The following FHIT variants were observed in gnomAD, a reference collection of about 807,000 sequenced individuals.
The protein encoded by FHIT is bis(5'-adenosyl)-triphosphatase.
In FHIT, 19 loss-of-function variants were observed where a neutral mutation model predicts 17.9. The ratio of observed to expected loss-of-function variants is 1.06; its 90% confidence interval spans 0.74 to 1.56. The LOEUF (loss-of-function observed/expected upper bound fraction) is 1.56. Ranked by LOEUF, FHIT falls within the 40% of genes most tolerant of loss-of-function variation. The pLI is 0.00. For synonymous variants in FHIT, 81 were observed against 69.7 expected (o/e 1.16, Z -0.81); for missense variants, 248 against 189.2 (o/e 1.31, Z -1.82).
intron 5 of FHIT, among the ~76,000 whole-genome samples, chr3:60,030,041 A>G (rs1310956606): frequency 6.6e-6 from 1 of 151,808 alleles, no homozygotes; most frequent in Non-Finnish European, 1.5e-5. Context: ...TCCTAGCTCT[A>G]TTTGTCAGGG....
intron 4 of FHIT, among the ~76,000 whole-genome samples, chr3:60,649,624 C>A (rs1389095520): frequency 6.6e-6 from 1 of 151,990 alleles, no homozygotes; most frequent in Non-Finnish European, 1.5e-5. Context: ...CTGGATGTGT[C>A]AATTGTGTGA....
chr3:61,027,095 T>C (rs748834866), intron 3 of FHIT, among the ~76,000 whole-genome samples: 1 of 152,148 alleles, frequency 6.6e-6, no homozygotes, highest in Non-Finnish European at 1.5e-5. Flanking sequence ...TATACTTTTT[T>C]CTTTTTTTTG....
At chr3:59,875,643 G>T (rs1703118786) in intron 8 of FHIT, among the ~76,000 whole-genome samples, 1 of 151,982 alleles carries the variant, frequency 6.6e-6, no homozygotes. Flanking sequence ...AAATTTTATA[G>T]TTTTTAGCAA....
chr3:61,175,919 ACTAAT>A (rs1177200891), intron 2 of FHIT, among the ~76,000 whole-genome samples: 1 of 152,244 alleles, frequency 6.6e-6, no homozygotes, highest in African/African-American at 2.4e-5. Context: ...ACAATGGATA[ACTAAT>A]CTAAGTTCCA....
chr3:60,727,332 A>G (rs946590852), intron 4 of FHIT, among the ~76,000 whole-genome samples: 9 of 152,212 alleles, frequency 5.9e-5, no homozygotes, highest in African/African-American at 1.9e-4. Context: ...CGCTCCAGAG[A>G]ATTCAGTGTA....
intron 2 of FHIT, among the ~76,000 whole-genome samples, chr3:61,100,453 T>C (rs2035783205): frequency 6.6e-6 from 1 of 152,200 alleles, no homozygotes; most frequent in African/African-American, 2.4e-5. Flanking sequence ...CCTTATCCAG[T>C]CTATCATTGA....
At chr3:61,143,936 T>G (rs1305851756) in intron 2 of FHIT, among the ~76,000 whole-genome samples, 2 of 152,222 alleles carry the variant, frequency 1.3e-5, no homozygotes, top group South Asian at 2.1e-4. Flanking sequence ...TGCATTCTTT[T>G]GTCTCTAGTA....
intron 2 of FHIT, among the ~76,000 whole-genome samples, chr3:61,130,139 A>G (rs2106952353): frequency 6.6e-6 from 1 of 152,332 alleles, no homozygotes; most frequent in South Asian, 2.1e-4. Flanking sequence ...CAATAAAAGT[A>G]CTAAAATATA....
In FHIT at chr3:60,537,389, T is replaced by G. The variant is rs1159257432; in HGVS notation, c.-17-410A>C. On this transcript the variant is annotated intron_variant, in intron 4 of 9. Coordinates refer to ENST00000492590, the MANE Select transcript of FHIT (RefSeq NM_002012.4). ...TATTAACTATAAACCTTCTAATTCT[T>G]AAATGCTTCTCTCAAATGGTTTTGT... 4.0e-6 allele frequency: 3 copies of G among 756,306 alleles called. No homozygotes were observed. In the Admixed American group the frequency reaches 1.9e-4, roughly 47 times the overall value. The allele number at this position is 756,306 out of a possible 1,614,324, so 46.8% of individuals were successfully genotyped here. A position where few individuals can be genotyped will look rare whatever the true frequency, so the allele number is the denominator to read the frequency against.
At chr3:61,185,703 T>C (rs2038487042) in intron 2 of FHIT, among the ~76,000 whole-genome samples, 1 of 152,166 alleles carries the variant, frequency 6.6e-6, no homozygotes, top group African/African-American at 2.4e-5. Flanking sequence ...AAAAGCAGTA[T>C]GTGCCATTTT....
intron 4 of FHIT, among the ~76,000 whole-genome samples, chr3:60,567,135 A>G (rs1010018157): frequency 1.3e-5 from 2 of 152,052 alleles, no homozygotes; most frequent in African/African-American, 4.8e-5. Context: ...GAACCAAAAA[A>G]GAGCCCACAC....
chr3:60,121,709 A>ACAAAAACAC (rs1705260217), intron 5 of FHIT, among the ~76,000 whole-genome samples: 1 of 116,336 alleles, frequency 8.6e-6, no homozygotes, highest in Admixed American at 8.5e-5. Context: ...AAACAAAACA[A>ACAAAAACAC]ACACACACAC....
intron 3 of FHIT, among the ~76,000 whole-genome samples, chr3:61,041,162 C>T (rs1013870387): frequency 3.9e-5 from 6 of 152,068 alleles, no homozygotes; most frequent in Non-Finnish European, 8.8e-5. Context: ...AGGCAGATCA[C>T]GAGGTCAAGA....
chr3:60,000,189 T>C (rs1387883718), intron 7 of FHIT, among the ~76,000 whole-genome samples: 3 of 152,090 alleles, frequency 2.0e-5, no homozygotes, highest in African/African-American at 4.8e-5. Context: ...CTTTAGAGTG[T>C]AGGATTCCTA....
intron 5 of FHIT, among the ~76,000 whole-genome samples, chr3:60,468,652 G>A (rs2032925619): frequency 1.3e-5 from 2 of 152,032 alleles, no homozygotes; most frequent in South Asian, 4.1e-4. Context: ...TTGAAAAGTT[G>A]TGGTTATTAT....
At chr3:60,314,022 T>C (rs1168936568) in intron 5 of FHIT, among the ~76,000 whole-genome samples, 1 of 152,220 alleles carries the variant, frequency 6.6e-6, no homozygotes, top group Non-Finnish European at 1.5e-5. Flanking sequence ...ACACATTGCT[T>C]TCCCAAGCTG....
rs558590673 is a variant in FHIT at position 61,232,123 on chromosome 3, C to G, written c.-213+19178G>C. Among the ~76,000 whole-genome samples, 29 of 152,314 alleles carry G rather than the reference C, an allele frequency of 1.9e-4. No individual in the cohort carries two copies. In the South Asian group the frequency reaches 3.9e-3, roughly 21 times the overall value. Reference sequence around the variant, plus strand: ...TGGGGGCCGGGCATGGTGGCTCATGCCTGTAATCCCAGCACTTTGAGAAGC... The same window carrying G: ...TGGGGGCCGGGCATGGTGGCTCATGGCTGTAATCCCAGCACTTTGAGAAGC... On this transcript the variant is annotated intron_variant, in intron 1 of 9. Coordinates refer to ENST00000492590, the MANE Select transcript of FHIT (RefSeq NM_002012.4).
At chr3:59,864,625 G>A (rs1702553895) in intron 8 of FHIT, among the ~76,000 whole-genome samples, 1 of 151,322 alleles carries the variant, frequency 6.6e-6, no homozygotes. Context: ...ATATCCTGTG[G>A]CCCTGGGCAG....
At chr3:60,285,668 G>C (rs192095301) in intron 5 of FHIT, among the ~76,000 whole-genome samples, 2 of 152,238 alleles carry the variant, frequency 1.3e-5, no homozygotes, top group South Asian at 2.1e-4. Context: ...TAACCAGTTT[G>C]AACACTTTAA....
Sources: allele counts gnomAD v4.1 joint callset (sites outside exome capture counted in the v4.1 genomes callset), GRCh38; gene constraint gnomAD v4.1.1; transcripts MANE v1.5; gene names NCBI Gene and HGNC (gene_info 2026-07-23, HGNC 2026-07-21).